MYO9A: variants seen among roughly 807,000 people sequenced by gnomAD.
The protein encoded by MYO9A is unconventional myosin-IXa.
A neutral mutation model predicts 293.3 loss-of-function variants in MYO9A; 103 were observed. The observed-to-expected ratio is 0.35, with a 90% CI of 0.30 to 0.41. The LOEUF (loss-of-function observed/expected upper bound fraction) is 0.41. MYO9A is among the 10% of genes least tolerant of loss of function. The probability of loss-of-function intolerance (pLI) is 1.00; values close to 1 mark genes in which losing one functional copy is unlikely to be tolerated. For missense variants in MYO9A, 2,685 were observed against 3,033.0 expected, an observed-to-expected ratio of 0.89 and a Z score of 2.69; for synonymous variants, 1,001 against 1,035.7, an observed-to-expected ratio of 0.97 and a Z score of 0.64.
At chr15:71,924,875 G>A (rs538066437) in intron 18 of MYO9A, among the ~76,000 whole-genome samples, 3 of 151,812 alleles carry the variant, frequency 2.0e-5, no homozygotes, top group African/African-American at 7.2e-5. Flanking sequence ...AGCCGAGATC[G>A]TGTCACTGCA....
At position 72,074,373 on chromosome 15, in the gene MYO9A, C is replaced by T. The variant is rs2079281210; in HGVS notation, c.-71-27739G>A. On this transcript the variant is annotated intron_variant, in intron 1 of 41. Transcript: ENST00000356056. Reference sequence around the variant, plus strand: ...AAAAGACAAAGCTAAACTATAAAATCCAAATTTTAAAACTCATCGGAGAGC... The same window carrying T: ...AAAAGACAAAGCTAAACTATAAAATTCAAATTTTAAAACTCATCGGAGAGC... Among the ~76,000 whole-genome samples, 3 of 152,000 alleles carry T rather than the reference C, an allele frequency of 2.0e-5. 1 individual carries two copies. In the South Asian group the frequency reaches 6.2e-4, roughly 32 times the overall value.
intron 39 of MYO9A, among the ~76,000 whole-genome samples, chr15:71,835,417 A>C (rs1024686381): frequency 2.0e-5 from 3 of 152,236 alleles, no homozygotes; most frequent in Non-Finnish European, 4.4e-5. Flanking sequence ...AAAACTTATT[A>C]GAATAAGTGA....
Position 71,862,625 on chromosome 15 carries a change from T to A in MYO9A, c.5980-14A>T, listed in dbSNP as rs2056182875. On this transcript the variant is annotated splice_polypyrimidine_tract_variant and intron_variant, in intron 32 of 41. Coordinates refer to ENST00000356056, the MANE Select transcript of MYO9A (RefSeq NM_006901.4). ...GTGTTCTTCCACCTGAATGAAAAAA[T>A]TTAGCTACTTATATTAAAGCCAACA... 1.3e-6 allele frequency: 2 copies of A among 1,552,386 alleles called. No homozygotes were observed. The highest frequency in any genetic ancestry group is 1.8e-6 in the Non-Finnish European group (2 of 1,125,032).
chr15:71,978,809 T>A (rs939803127), intron 11 of MYO9A, among the ~76,000 whole-genome samples: 1 of 152,026 alleles, frequency 6.6e-6, no homozygotes, highest in Non-Finnish European at 1.5e-5. Flanking sequence ...GGTTTTGAAT[T>A]CTAAGGTTAA....
intron 1 of MYO9A, among the ~76,000 whole-genome samples, chr15:72,068,506 T>C (rs763612927): frequency 6.6e-5 from 10 of 152,180 alleles, no homozygotes; most frequent in Non-Finnish European, 1.3e-4. Flanking sequence ...TTTTTCCTTT[T>C]TGGGACAGGG....
At chr15:71,962,379 AG>A (rs1454467394) in intron 13 of MYO9A, among the ~76,000 whole-genome samples, 1 of 152,214 alleles carries the variant, frequency 6.6e-6, no homozygotes, top group African/African-American at 2.4e-5. Context: ...TATTACTTTT[AG>A]GGTTTTCCTT....
intron 1 of MYO9A, among the ~76,000 whole-genome samples, chr15:72,071,741 C>A (rs142873592): frequency 6.8e-6 from 1 of 148,138 alleles, no homozygotes; most frequent in South Asian, 2.2e-4. Context: ...GGCGACACAG[C>A]GAGACTCCAT....
At chr15:72,002,309 G>A (rs929961433) in intron 8 of MYO9A, among the ~76,000 whole-genome samples, 9 of 150,340 alleles carry the variant, frequency 6.0e-5, no homozygotes, top group African/African-American at 1.2e-4. Context: ...GTGCAATGGC[G>A]CAATCCTGGC....
At chr15:72,073,867 C>A (rs1209630764) in intron 1 of MYO9A, among the ~76,000 whole-genome samples, 2 of 152,096 alleles carry the variant, frequency 1.3e-5, no homozygotes, top group African/African-American at 2.4e-5. Context: ...AGCTGTGTGA[C>A]CTGGGACAAG....
Position 71,903,989 on chromosome 15 carries a change from G to C in MYO9A, c.2817C>G (p.Thr939=), listed in dbSNP as rs375628589. Reference sequence around the variant, plus strand: ...GAATTCGAACTGTTTCCAGCATCCCGGTGTATCGAAGCTGTCTAAGTACCA... The same window carrying C: ...GAATTCGAACTGTTTCCAGCATCCCCGTGTATCGAAGCTGTCTAAGTACCA... ...DVLVLRQLRY[T]GMLETVRIRQ... The change falls in exon 21 of 42, where the codon ACC becomes ACG. Residue 939 remains threonine, a synonymous_variant. Transcript: ENST00000356056. 5 of 1,613,956 alleles carry C rather than the reference G, an allele frequency of 3.1e-6. No homozygotes were observed. Among genetic ancestry groups the C allele is most frequent in the Non-Finnish European group, 2.5e-6 (3 of 1,179,964 alleles).
At chr15:71,906,758 C>CTTTCTTTCTTTTTTTTTTTTTTTTT (rs765264146) in intron 19 of MYO9A, among the ~76,000 whole-genome samples, 3 of 61,010 alleles carry the variant, frequency 4.9e-5, no homozygotes, top group African/African-American at 1.9e-4. Flanking sequence ...CCATTTCTTT[C>CTTTCTTTCTTTTTTTTTTTTTTTTT]TTTTTTTTTT....
intron 8 of MYO9A, among the ~76,000 whole-genome samples, chr15:72,006,429 A>G (rs1185263499): frequency 2.0e-5 from 3 of 152,150 alleles, no homozygotes; most frequent in African/African-American, 4.8e-5. Context: ...ACTAAGTAAA[A>G]CAAATCAGTC....
chr15:71,826,556 A>C lies in MYO9A; in HGVS notation c.*24T>G, dbSNP rs765985442. The C allele has an allele frequency of 6.4e-7, 1 of 1,551,180 alleles. No individual in the cohort carries two copies. The highest frequency in any genetic ancestry group is 1.3e-5 in the South Asian group (1 of 78,710). ...GAGATTTGTTTACCACTCTGTAGCCACGGAGGGACACACATCTGCCGGTTC... is the reference window on the plus strand; with the variant it reads ...GAGATTTGTTTACCACTCTGTAGCCCCGGAGGGACACACATCTGCCGGTTC... On this transcript the variant is annotated 3_prime_UTR_variant, in exon 42 of 42. Transcript: ENST00000356056.
chr15:72,019,958 G>C (rs759237988), intron 5 of MYO9A, among the ~76,000 whole-genome samples: 2 of 152,006 alleles, frequency 1.3e-5, no homozygotes, highest in Non-Finnish European at 2.9e-5. Context: ...CACGATGTTG[G>C]CCAGGCTGGT....
chr15:71,827,858 G>A (rs927152801), intron 41 of MYO9A, 26 bp downstream of exon 41: 1 of 1,591,480 alleles, frequency 6.3e-7, no homozygotes, highest in Non-Finnish European at 8.5e-7. Flanking sequence ...CAAATCTGGA[G>A]TCTTTGGTCT....
chr15:71,826,845 C>G lies in MYO9A; in HGVS notation c.7382G>C (p.Arg2461Pro). The change falls in exon 42 of 42, where the codon CGA (arginine) becomes CCA (proline). Residue 2461 changes from arginine (R) to proline (P), a missense_variant. Physicochemically the swap from Arg to Pro is moderately radical, Grantham distance 103. Transcript: ENST00000356056. ...CAGGGCCTCATTACCTGAGGCAGCT[C>G]GGTAGAATGGAGATTTGGAATAAAT... is the stretch of plus-strand genomic sequence containing the variant. ...FQIYSKSPFYRAASGNEALGM... is the reference protein window; with the variant it reads ...FQIYSKSPFYPAASGNEALGM... 1 of 1,614,032 alleles carries G rather than the reference C, an allele frequency of 6.2e-7. No homozygotes were observed. The highest frequency in any genetic ancestry group is 8.5e-7 in the Non-Finnish European group (1 of 1,179,978).
intron 11 of MYO9A, among the ~76,000 whole-genome samples, chr15:71,987,550 C>T (rs2076436652): frequency 6.6e-6 from 1 of 152,110 alleles, no homozygotes; most frequent in African/African-American, 2.4e-5. Flanking sequence ...ATTTTTGCAG[C>T]CTTTCAGGTA....
chr15:71,854,388 C>A lies in MYO9A; in HGVS notation c.6335G>T (p.Gly2112Val). The A allele has an allele frequency of 1.3e-6, 2 of 1,590,232 alleles. No homozygotes were observed. Among genetic ancestry groups the A allele is most frequent in the Non-Finnish European group, 1.7e-6 (2 of 1,169,972 alleles). The change falls in exon 35 of 42, where the codon GGT becomes GTT. Residue 2112 changes from glycine (G) to valine (V), a missense_variant. By Grantham distance (109) the Gly-to-Val change is moderately radical (BLOSUM62 -3). Around this residue, in one of 10 missense-constraint regions of MYO9A, gnomAD observed 238 missense variants for 269.1 expected, o/e 0.88. Transcript: ENST00000356056. ...STNKIKELRQ[G>V]LDTDAESVNL... The stretch of plus-strand genomic sequence containing the variant: ...GGGCACTATCTTACCTGTATCTAGA[C>A]CCTGCCGAAGCTCCTTGATTTTATT...
In MYO9A at chr15:71,898,396, T is replaced by C. The variant is rs2143161655; in HGVS notation, c.4107A>G (p.Ser1369=). The C allele has an allele frequency of 6.2e-7, 1 of 1,613,736 alleles. No homozygotes were observed. Among genetic ancestry groups the C allele is most frequent in the East Asian group, 2.2e-5 (1 of 44,884 alleles). The part of the protein sequence containing the change: ...PKISSSPKFD[S]RDNALSASNE... Reference sequence around the variant, plus strand: ...TTGAGGCACTGAGGGCATTGTCCCGTGAATCAAATTTTGGACTGCTGGATA... The same window carrying C: ...TTGAGGCACTGAGGGCATTGTCCCGCGAATCAAATTTTGGACTGCTGGATA... Residue 1369 remains serine, a synonymous_variant, in exon 25 of 42, where the codon TCA becomes TCG. Coordinates refer to ENST00000356056, the MANE Select transcript of MYO9A (RefSeq NM_006901.4).
Sources: allele counts gnomAD v4.1 joint callset (sites outside exome capture counted in the v4.1 genomes callset), GRCh38; gene constraint gnomAD v4.1.1; regional missense constraint gnomAD v4.1.1; transcripts MANE v1.5; gene names NCBI Gene and HGNC (gene_info 2026-07-23, HGNC 2026-07-21).